Variants in NPAS3 observed in about 807,000 individuals in gnomAD.
NPAS3 encodes the protein neuronal PAS domain protein 3.
Under a neutral mutation model 73.1 loss-of-function variants are expected in NPAS3, and 14 were observed. That is an observed-to-expected ratio of 0.19 (90% CI 0.13 to 0.30). NPAS3 has a LOEUF of 0.30. Among genes scored for constraint, NPAS3 ranks in the 10% least tolerant of loss-of-function variants. The probability of loss-of-function intolerance (pLI) is 1.00; values close to 1 mark genes in which losing one functional copy is unlikely to be tolerated. For synonymous variants in NPAS3, 620 were observed against 541.5 expected (o/e 1.14, Z -2.01); for missense variants, 1,096 against 1,250.0 (o/e 0.88, Z 1.86).
At chr14:33,622,358 A>AATCTTTAAC (rs1361322449) in intron 5 of NPAS3, among the ~76,000 whole-genome samples, 1 of 152,172 alleles carries the variant, frequency 6.6e-6, no homozygotes, top group African/African-American at 2.4e-5. Context: ...CATTTACTAT[A>AATCTTTAAC]ATCTTTAACA....
upstream of NPAS3, among the ~76,000 whole-genome samples, chr14:32,938,406 C>G (rs1243894530): frequency 6.7e-6 from 1 of 150,252 alleles, no homozygotes; most frequent in African/African-American, 2.5e-5. Context: ...GAAACTGCAA[C>G]TGAGTGGCGT....
chr14:33,375,605 G>A (rs2046279365), intron 4 of NPAS3, among the ~76,000 whole-genome samples: 1 of 152,060 alleles, frequency 6.6e-6, no homozygotes, highest in Non-Finnish European at 1.5e-5. Context: ...ATCAAAAGTA[G>A]GGATTGCAGT....
intron 5 of NPAS3, among the ~76,000 whole-genome samples, chr14:33,668,917 G>A (rs1207523131): frequency 6.6e-6 from 1 of 152,110 alleles, no homozygotes; most frequent in East Asian, 1.9e-4. Context: ...CAAAGGAGGA[G>A]GACAAAATTC....
chr14:33,169,130 T>C (rs1157244280), intron 2 of NPAS3, among the ~76,000 whole-genome samples: 3 of 152,252 alleles, frequency 2.0e-5, no homozygotes, highest in African/African-American at 4.8e-5. Flanking sequence ...GTTTTCAAGA[T>C]GGCAAAATGA....
Position 33,272,064 on chromosome 14 carries a change from A to G in NPAS3, c.385+56638A>G, listed in dbSNP as rs545814796. 7.9e-5 allele frequency among the ~76,000 whole-genome samples: 12 copies of G among 152,316 alleles called. No individual in the cohort carries two copies. In the South Asian group the frequency reaches 1.7e-3, roughly 21 times the overall value. On this transcript the variant is annotated intron_variant, in intron 3 of 11. Coordinates refer to ENST00000356141, the Ensembl canonical transcript of NPAS3. ...AAGGTGATGCCTTCAAGTGCTCATCAAATTCCAGGCTTGGGGCCAGCCTCC... is the reference window on the plus strand; with the variant it reads ...AAGGTGATGCCTTCAAGTGCTCATCGAATTCCAGGCTTGGGGCCAGCCTCC...
chr14:33,106,797 A>G (rs989001033), intron 2 of NPAS3, among the ~76,000 whole-genome samples: 1 of 152,200 alleles, frequency 6.6e-6, no homozygotes, highest in Non-Finnish European at 1.5e-5. Flanking sequence ...ATAAATTATG[A>G]TAAAACCAAG....
intron 3 of NPAS3, among the ~76,000 whole-genome samples, chr14:33,308,953 G>C (rs189045071): frequency 2.2e-4 from 34 of 152,258 alleles, no homozygotes; most frequent in African/African-American, 7.5e-4. Flanking sequence ...CTGTGACGTA[G>C]TTTCTTAGAT....
intron 4 of NPAS3, among the ~76,000 whole-genome samples, chr14:33,425,999 C>T (rs148986180): frequency 0.011 from 1,698 of 152,178 alleles, 25 homozygotes; most frequent in Middle Eastern, 0.017. Flanking sequence ...TTGGTTTAGA[C>T]TCATCAGGTC....
chr14:33,073,875 G>A, intron 2 of NPAS3, among the ~76,000 whole-genome samples: 2 of 152,206 alleles, frequency 1.3e-5, no homozygotes, highest in East Asian at 3.8e-4. Context: ...ATCATAAAGT[G>A]AGGAGACTAT....
intron 4 of NPAS3, among the ~76,000 whole-genome samples, chr14:33,538,664 A>G: frequency 6.6e-6 from 1 of 152,232 alleles, no homozygotes; most frequent in East Asian, 1.9e-4. Context: ...TGGAAAAGAT[A>G]GGGTAACCTA....
chr14:33,739,960 C>G (rs2061615525), intron 7 of NPAS3, among the ~76,000 whole-genome samples: 1 of 152,162 alleles, frequency 6.6e-6, no homozygotes, highest in Non-Finnish European at 1.5e-5. Context: ...TCAAATATCA[C>G]TTATTTTTTC....
chr14:33,546,298 T>C (rs147881644), intron 4 of NPAS3, among the ~76,000 whole-genome samples: 24 of 152,326 alleles, frequency 1.6e-4, no homozygotes, highest in African/African-American at 5.5e-4. Flanking sequence ...AGAAAAGTGG[T>C]GAGAAGAGTC....
chr14:33,769,909 A>G (rs1456546641), intron 7 of NPAS3, among the ~76,000 whole-genome samples: 1 of 151,506 alleles, frequency 6.6e-6, no homozygotes, highest in African/African-American at 2.4e-5. Flanking sequence ...GGCCAAAGAC[A>G]TGAACCAATA....
At chr14:33,362,928 C>G (rs2045672587) in intron 3 of NPAS3, among the ~76,000 whole-genome samples, 1 of 152,158 alleles carries the variant, frequency 6.6e-6, no homozygotes, top group Admixed American at 6.5e-5. Context: ...AGTGATCCCT[C>G]CAATAGCAAG....
At chr14:33,517,264 T>C (rs1208832680) in intron 4 of NPAS3, among the ~76,000 whole-genome samples, 1 of 152,054 alleles carries the variant, frequency 6.6e-6, no homozygotes, top group African/African-American at 2.4e-5. Flanking sequence ...GCACGGGTCA[T>C]CAACCTCTGG....
intron 2 of NPAS3, among the ~76,000 whole-genome samples, chr14:33,195,327 G>A (rs987230761): frequency 2.6e-5 from 4 of 151,548 alleles, no homozygotes; most frequent in African/African-American, 4.9e-5. Flanking sequence ...CTGGAGTGCC[G>A]TGGCGCAGTC....
chr14:33,570,372 GC>G (rs1188775181), intron 5 of NPAS3, among the ~76,000 whole-genome samples: 2 of 152,150 alleles, frequency 1.3e-5, no homozygotes, highest in Non-Finnish European at 2.9e-5. Flanking sequence ...GTGCTGTACA[GC>G]AGCAGTTTTG....
At chr14:33,595,760 G>T (rs1012869449) in intron 5 of NPAS3, among the ~76,000 whole-genome samples, 2 of 152,054 alleles carry the variant, frequency 1.3e-5, no homozygotes, top group Non-Finnish European at 2.9e-5. Context: ...AAGATCCGCC[G>T]CCCGGGTTCA....
At chr14:33,738,823 A>G (rs2061587839) in intron 7 of NPAS3, among the ~76,000 whole-genome samples, 1 of 152,170 alleles carries the variant, frequency 6.6e-6, no homozygotes, top group Admixed American at 6.5e-5. Flanking sequence ...TTTAAATTGC[A>G]CTGCACATAG....
Sources: allele counts gnomAD v4.1 joint callset (sites outside exome capture counted in the v4.1 genomes callset), GRCh38; gene constraint gnomAD v4.1.1; transcripts MANE v1.5; gene names NCBI Gene and HGNC (gene_info 2026-07-23, HGNC 2026-07-21).